ELF4: variants seen among roughly 807,000 people sequenced by gnomAD.
The protein encoded by ELF4 is ETS-related transcription factor Elf-4.
ELF4 carries 10 observed loss-of-function variants against 31.7 expected under a neutral mutation model. The ratio of observed to expected loss-of-function variants is 0.32; its 90% CI spans 0.19 to 0.54. ELF4 has a LOEUF of 0.54. ELF4 is among the 20% of genes least tolerant of loss of function. The pLI, the probability that ELF4 is intolerant of heterozygous loss-of-function variation, is 0.95. For missense variants in ELF4, 418 were observed against 522.0 expected (o/e 0.80, Z 1.94); for synonymous variants, 208 against 226.7 (o/e 0.92, Z 0.74).
At chrX:130,089,501 C>T (rs1933014554) in intron 1 of ELF4, among the ~76,000 whole-genome samples, 1 of 66,781 alleles carries the variant, frequency 1.5e-5, no homozygotes, top group African/African-American at 6.4e-5. Flanking sequence ...AAGAGTGAGA[C>T]CTCAGCTCAA....
intron 4 of ELF4, 105 bp from the exon 5 acceptor site, chrX:130,072,522 T>TC: frequency 1.2e-6 from 1 of 811,564 alleles, no homozygotes; most frequent in South Asian, 2.3e-5. Flanking sequence ...GGGGGGCTCA[T>TC]CCCCCCAGCC....
At chrX:130,111,660 G>C (rs1454949700), upstream of ELF4, among the ~76,000 whole-genome samples, 3 of 111,718 alleles carry the variant, frequency 2.7e-5, no homozygotes, top group Non-Finnish European at 5.7e-5. Context: ...AGGGGGAGAG[G>C]GGCTGGCCCA....
chrX:130,080,684 C>T (rs1175210240), intron 2 of ELF4, among the ~76,000 whole-genome samples: 1 of 110,486 alleles, frequency 9.1e-6, no homozygotes, highest in Non-Finnish European at 1.9e-5. Flanking sequence ...CAGTGGGGAC[C>T]TCAGTGAGCA....
At chrX:130,077,468 G>A (rs900470540) in intron 2 of ELF4, among the ~76,000 whole-genome samples, 4 of 111,665 alleles carry the variant, frequency 3.6e-5, no homozygotes, top group Non-Finnish European at 7.5e-5. Flanking sequence ...GCTAATTTTT[G>A]TATTTTTAGT....
rs759311913 is a variant in ELF4, at chrX:130,065,257, A to T, written c.*1464T>A. On this transcript the variant is annotated 3_prime_UTR_variant, in exon 9 of 9. Transcript: ENST00000308167. ...CTTGCCCTCAAACTTGGCAGGAGGG[A>T]GGCAAGCTCGTTTAAAGAAGGGAGA... 5.7e-6 allele frequency: 1 copy of T among 175,393 alleles called. No individual in the cohort carries two copies. The highest frequency in any genetic ancestry group is 1.1e-5 in the Non-Finnish European group (1 of 91,394). The allele number at this position is 175,393 out of a possible 1,213,427, so 14.5% of individuals were successfully genotyped here. A position where few individuals can be genotyped will look rare whatever the true frequency, so the allele number is the denominator to read the frequency against.
rs779790704 is a variant in ELF4, at chrX:130,071,384, C to T, written c.568G>A (p.Val190Ile). 3 of 1,210,285 alleles carry T rather than the reference C, an allele frequency of 2.5e-6. No homozygotes were observed. In the African/African-American group the frequency reaches 5.2e-5, roughly 21 times the overall value. Residue 190 changes from valine to isoleucine, a missense_variant, in exon 6 of 9, where the codon GTC becomes ATC. Physicochemically the swap from Val to Ile is conservative, Grantham distance 29 (BLOSUM62 3). Coordinates refer to ENST00000308167, the MANE Select transcript of ELF4 (RefSeq NM_001421.4). ...CTAATGGGGATGCTGGGGTCAGTGACAGGTGAGGTACTTCGGTTGCCCTTG... is the reference window on the plus strand; with the variant it reads ...CTAATGGGGATGCTGGGGTCAGTGATAGGTGAGGTACTTCGGTTGCCCTTG... Reference protein sequence around the residue: ...KTKGNRSTSPVTDPSIPIRKK... With the variant: ...KTKGNRSTSPITDPSIPIRKK...
At chrX:130,067,566 T>G (rs1378190343) in intron 8 of ELF4, 41 bp from the exon 9 acceptor site, 1 of 1,169,001 alleles carries the variant, frequency 8.6e-7, no homozygotes, top group Admixed American at 2.2e-5. Context: ...AGGCAGGAAG[T>G]GTCCCTCAGC....
chrX:130,068,295 C>A (rs1405339382), intron 8 of ELF4, among the ~76,000 whole-genome samples: 2 of 112,105 alleles, frequency 1.8e-5, no homozygotes, highest in Non-Finnish European at 3.8e-5. Context: ...GCTCCAAGAC[C>A]AGCCATACCT....
chrX:130,087,822 A>G (rs1342013840), intron 1 of ELF4, among the ~76,000 whole-genome samples: 2 of 112,165 alleles, frequency 1.8e-5, no homozygotes, highest in East Asian at 2.8e-4. Context: ...GTGGTAGTTC[A>G]TTAAACATTT....
chrX:130,107,046 C>T lies in ELF4; in HGVS notation c.-210+3279G>A, dbSNP rs756976515. 1.0e-3 allele frequency among the ~76,000 whole-genome samples: 114 copies of T among 112,116 alleles called. 2 individuals carry two copies. The highest frequency in any genetic ancestry group is 2.6e-4 in the Non-Finnish European group (14 of 53,229). ...ATCACAGCACTTTGGGAGGCCAAGA[C>T]GGGCGGATCACCTGAGGTCAATAGT... On this transcript the variant is annotated intron_variant, in intron 1 of 8. Transcript: ENST00000308167.
chrX:130,092,019 C>T (rs1466684597), intron 1 of ELF4, among the ~76,000 whole-genome samples: 1 of 112,306 alleles, frequency 8.9e-6, no homozygotes, highest in Non-Finnish European at 1.9e-5. Context: ...CCCTTCCCGT[C>T]TGCTGACCTT....
chrX:130,082,999 C>T (rs1932906540), intron 1 of ELF4, among the ~76,000 whole-genome samples: 1 of 110,447 alleles, frequency 9.1e-6, no homozygotes, highest in Admixed American at 9.6e-5. Flanking sequence ...CCACGGTGAC[C>T]TCCCTGATGA....
chrX:130,066,486 C>A lies in ELF4; in HGVS notation c.*235G>T, dbSNP rs1021303940. ...TTTTCCCTCCATCACCAAGTCAGCC[C>A]GTTATGCTGCCAAAAGCATATGCCC... On this transcript the variant is annotated 3_prime_UTR_variant, in exon 9 of 9. Transcript: ENST00000308167. 1 of 390,598 alleles carries A rather than the reference C, an allele frequency of 2.6e-6. No individual in the cohort carries two copies. Among genetic ancestry groups the A allele is most frequent in the African/African-American group, 2.5e-5 (1 of 39,594 alleles). 32.2% of individuals were successfully genotyped at this position (390,598 alleles called of 1,213,427 possible). A position where few individuals can be genotyped will look rare whatever the true frequency, so the allele number is the denominator to read the frequency against.
rs1311016051 is a variant in ELF4, at chrX:130,065,587, T to A, written c.*1134A>T. 5.7e-6 allele frequency: 1 copy of A among 174,448 alleles called. No homozygotes were observed. Among genetic ancestry groups the A allele is most frequent in the Non-Finnish European group, 1.1e-5 (1 of 91,444 alleles). 14.4% of individuals were successfully genotyped at this position (174,448 alleles called of 1,213,427 possible). The stretch of plus-strand genomic sequence containing the variant: ...AAACCATGTGGTAGGTGCCCATGCT[T>A]GAGCAGGAATGGGGGTGGACCCCAT... On this transcript the variant is annotated 3_prime_UTR_variant, in exon 9 of 9. Transcript: ENST00000308167.
chrX:130,081,524 C>T lies in ELF4; in HGVS notation c.-194G>A. On this transcript the variant is annotated 5_prime_UTR_variant, in exon 2 of 9. Coordinates refer to ENST00000308167, the MANE Select transcript of ELF4 (RefSeq NM_001421.4). Reference sequence around the variant, plus strand: ...CTCAAGGCTGCATTCTGGGCTGGACCAACCACAGGAGCGACCTAGAGAGAA... The same window carrying T: ...CTCAAGGCTGCATTCTGGGCTGGACTAACCACAGGAGCGACCTAGAGAGAA... 2.1e-6 allele frequency: 1 copy of T among 484,221 alleles called. No individual in the cohort carries two copies. The highest frequency in any genetic ancestry group is 3.7e-5 in the East Asian group (1 of 27,099). The allele number at this position is 484,221 out of a possible 1,213,427, so 39.9% of individuals were successfully genotyped here.
intron 1 of ELF4, among the ~76,000 whole-genome samples, chrX:130,098,091 C>G (rs749881285): frequency 8.9e-6 from 1 of 112,181 alleles, no homozygotes; most frequent in Non-Finnish European, 1.9e-5. Context: ...TACAGGCTCC[C>G]GCAGCCTGGA....
At position 130,071,241 on chromosome X, in the gene ELF4, G is replaced by A. The variant is rs774968895; in HGVS notation, c.617-9C>T. ...CAGATAGATGGTGCTGCCTGCAGAGGGGCAGGCCGTGAGGGGCAGCCTGGG... is the reference window on the plus strand; with the variant it reads ...CAGATAGATGGTGCTGCCTGCAGAGAGGCAGGCCGTGAGGGGCAGCCTGGG... On this transcript the variant is annotated splice_polypyrimidine_tract_variant and intron_variant, in intron 6 of 8. Transcript: ENST00000308167. The A allele has an allele frequency of 5.0e-6, 6 of 1,209,952 alleles. No individual in the cohort carries two copies. In the Admixed American group the frequency reaches 6.5e-5, roughly 13 times the overall value.
intron 7 of ELF4, among the ~76,000 whole-genome samples, chrX:130,070,771 CAAA>C (rs748643492): frequency 4.2e-5 from 1 of 24,043 alleles, no homozygotes; most frequent in Non-Finnish European, 7.2e-5. Context: ...GACTCCATCT[CAAA>C]AAAAAAAAAA....
intron 1 of ELF4, among the ~76,000 whole-genome samples, chrX:130,104,957 G>A (rs1380124579): frequency 3.7e-5 from 4 of 109,504 alleles, no homozygotes; most frequent in Non-Finnish European, 7.6e-5. Context: ...TCAGGGGTTC[G>A]AGACCAGGCT....
Sources: allele counts gnomAD v4.1 joint callset (sites outside exome capture counted in the v4.1 genomes callset), GRCh38; gene constraint gnomAD v4.1.1; transcripts MANE v1.5; gene names NCBI Gene and HGNC (gene_info 2026-07-23, HGNC 2026-07-21).